The following NARS2 variants were observed in gnomAD, a reference collection of about 807,000 sequenced individuals.
The protein encoded by NARS2 is asparaginyl-tRNA synthetase.
In NARS2, 60 loss-of-function variants were observed where a neutral mutation model predicts 62.9. The ratio of observed to expected loss-of-function variants is 0.95; its 90% CI spans 0.77 to 1.18. NARS2 has a LOEUF of 1.18. NARS2 is among the 50% of genes most tolerant of loss of function. The pLI, the probability that NARS2 is intolerant of heterozygous loss-of-function variation, is 0.00. For synonymous variants in NARS2, 196 were observed against 200.0 expected, an observed-to-expected ratio of 0.98 and a Z score of 0.17; for missense variants, 619 against 576.4, an observed-to-expected ratio of 1.07 and a Z score of -0.76.
intron 5 of NARS2, among the ~76,000 whole-genome samples, chr11:78,539,937 G>A (rs1855548603): frequency 6.6e-6 from 1 of 152,110 alleles, no homozygotes; most frequent in African/African-American, 2.4e-5. Context: ...TCTATAGAGG[G>A]TCTTGGTATA....
intron 1 of NARS2, chr11:78,571,778 C>T (rs1856933017): frequency 5.0e-6 from 1 of 199,134 alleles, no homozygotes; most frequent in Non-Finnish European, 1.0e-5. Flanking sequence ...CCCTCTGGCC[C>T]AACAATAAAT....
At chr11:78,459,647 T>C (rs1221320767) in intron 11 of NARS2, among the ~76,000 whole-genome samples, 1 of 152,200 alleles carries the variant, frequency 6.6e-6, no homozygotes, top group African/African-American at 2.4e-5. Flanking sequence ...AAGAAGTGCC[T>C]TTCACTTTCT....
intron 11 of NARS2, among the ~76,000 whole-genome samples, chr11:78,460,572 T>C (rs964109626): frequency 2.0e-5 from 3 of 152,114 alleles, no homozygotes; most frequent in African/African-American, 4.8e-5. Context: ...GAGAGATATT[T>C]AGGAGCGCAA....
chr11:78,454,563 C>T (rs1374177784), intron 11 of NARS2, among the ~76,000 whole-genome samples: 1 of 151,874 alleles, frequency 6.6e-6, no homozygotes, highest in African/African-American at 2.4e-5. Flanking sequence ...CATTCTTGTA[C>T]AGTCTGCAGA....
rs1481847740 is a variant in NARS2 at position 78,440,536 on chromosome 11, A to G, written c.1289+555T>C. On this transcript the variant is annotated intron_variant, in intron 13 of 13. Transcript: ENST00000281038. Reference sequence around the variant, plus strand: ...TAGGATGATTACATGACATAATATAATTTTTTTTTTTTTGAGACGAAGTCT... The same window carrying G: ...TAGGATGATTACATGACATAATATAGTTTTTTTTTTTTTGAGACGAAGTCT... Among the ~76,000 whole-genome samples the G allele has an allele frequency of 2.1e-5, 3 of 145,844 alleles. No individual in the cohort carries two copies. The East Asian group carries it at 6.1e-4, about 29-fold the overall frequency.
At chr11:78,475,582 T>A (rs1298350710) in intron 9 of NARS2, among the ~76,000 whole-genome samples, 13 of 28,078 alleles carry the variant, frequency 4.6e-4, no homozygotes, top group African/African-American at 6.4e-4. Flanking sequence ...TCATTTGACT[T>A]TTTTTTTTTT....
At chr11:78,492,964 T>A (rs1859889426) in intron 7 of NARS2, 99 bp downstream of exon 7, 2 of 1,077,452 alleles carry the variant, frequency 1.9e-6, no homozygotes, top group East Asian at 4.8e-5. Context: ...TTCTTTTCAC[T>A]TTATGAATAC....
intron 5 of NARS2, among the ~76,000 whole-genome samples, chr11:78,547,175 T>C (rs1008594622): frequency 2.0e-5 from 3 of 151,842 alleles, no homozygotes; most frequent in African/African-American, 7.3e-5. Context: ...CATAAAAAAT[T>C]TAAAAATTAG....
intron 5 of NARS2, among the ~76,000 whole-genome samples, chr11:78,535,686 A>G (rs893475536): frequency 6.6e-6 from 1 of 151,772 alleles, no homozygotes; most frequent in Non-Finnish European, 1.5e-5. Flanking sequence ...CTGGAGTGCA[A>G]TGGCACGATC....
chr11:78,443,618 T>C, intron 12 of NARS2, 43 bp downstream of exon 12: 1 of 1,452,312 alleles, frequency 6.9e-7, no homozygotes, highest in Non-Finnish European at 9.7e-7. Flanking sequence ...GAGCGCCTTA[T>C]GCTCAATTTC....
chr11:78,514,906 G>A (rs868012520), intron 6 of NARS2, among the ~76,000 whole-genome samples: 2 of 152,150 alleles, frequency 1.3e-5, no homozygotes, highest in Non-Finnish European at 2.9e-5. Flanking sequence ...TAAAAATGAA[G>A]TTAAAATGGT....
intron 5 of NARS2, among the ~76,000 whole-genome samples, chr11:78,557,013 C>T (rs1192468721): frequency 6.6e-6 from 1 of 152,154 alleles, no homozygotes; most frequent in Non-Finnish European, 1.5e-5. Flanking sequence ...CACCAAATGT[C>T]CGTTAATAAC....
intron 5 of NARS2, among the ~76,000 whole-genome samples, chr11:78,533,692 T>A (rs530727124): frequency 6.6e-6 from 1 of 152,296 alleles, no homozygotes; most frequent in Non-Finnish European, 1.5e-5. Flanking sequence ...ATATCACTCA[T>A]AACATGTAAC....
chr11:78,462,467 A>G (rs1858437367), intron 11 of NARS2, among the ~76,000 whole-genome samples: 1 of 152,266 alleles, frequency 6.6e-6, no homozygotes, highest in Non-Finnish European at 1.5e-5. Context: ...ATGGCTAAAA[A>G]GTAATTTTAT....
intron 3 of NARS2, among the ~76,000 whole-genome samples, chr11:78,566,948 GTTTC>G (rs1322399048): frequency 1.1e-5 from 1 of 94,508 alleles, no homozygotes; most frequent in Non-Finnish European, 2.6e-5. Flanking sequence ...CTGGCAGCCT[GTTTC>G]TTTCAGTCTC....
chr11:78,574,248 G>A (rs1857033756), intron 1 of NARS2, 100 bp downstream of exon 1: 1 of 1,479,320 alleles, frequency 6.8e-7, no homozygotes, highest in Non-Finnish European at 9.4e-7. Flanking sequence ...TTTCCCTGCT[G>A]GCGGTTGTGT....
In NARS2 at chr11:78,469,316, G is replaced by A. The variant is rs754983949; in HGVS notation, c.960-3C>T. ...CCACTGCTTCAGTATAAGAAATGCT[G>A]GAGGAAAACAGGATACAAGCAGAGA... On this transcript the variant is annotated splice_region_variant and splice_polypyrimidine_tract_variant and intron_variant, in intron 9 of 13. Transcript: ENST00000281038. 1 of 1,611,518 alleles carries A rather than the reference G, an allele frequency of 6.2e-7. No individual in the cohort carries two copies. The highest frequency in any genetic ancestry group is 8.5e-7 in the Non-Finnish European group (1 of 1,177,830).
At chr11:78,564,967 G>A (rs116755171) in intron 4 of NARS2, among the ~76,000 whole-genome samples, 1,652 of 152,308 alleles carry the variant, frequency 0.011, 32 homozygotes, top group African/African-American at 0.039. Flanking sequence ...CCCAAGGGAA[G>A]TCTATAACCA....
chr11:78,521,051 T>C (rs1281218978), intron 6 of NARS2, among the ~76,000 whole-genome samples: 2 of 139,702 alleles, frequency 1.4e-5, no homozygotes, highest in African/African-American at 5.6e-5. Flanking sequence ...AGAGCAAGAC[T>C]CTGTCTCCAA....
Sources: gnomAD v4.1 joint callset for allele counts (sites outside exome capture counted in the v4.1 genomes callset) on GRCh38, gnomAD v4.1.1 for gene constraint, MANE v1.5 for transcripts, NCBI Gene and HGNC (gene_info 2026-07-23, HGNC 2026-07-21) for gene names.